The following PHF3 variants were observed in gnomAD, a reference collection of about 807,000 sequenced individuals.
The protein encoded by PHF3 is PHD finger protein 3.
A neutral mutation model predicts 178.4 loss-of-function variants in PHF3; 41 were observed. The ratio of observed to expected loss-of-function variants is 0.23; its 90% CI spans 0.18 to 0.30. The LOEUF (loss-of-function observed/expected upper bound fraction) is 0.30, where lower values mean the gene tolerates loss of function less well. PHF3 is among the 10% of genes least tolerant of loss of function. The pLI is 1.00. For missense variants in PHF3, 2,346 were observed against 2,398.1 expected (o/e 0.98, Z 0.45); for synonymous variants, 842 against 800.5 (o/e 1.05, Z -0.88).
In PHF3 at chr6:63,685,858, T is replaced by G; in HGVS notation, c.2136T>G (p.Tyr712Ter). The part of the protein sequence containing the change: ...SDHSSSFESK[Y>*]MWTPSKQCGF... ...ATAGCTCCTCATTTGAAAGCAAATA[T>G]ATGTGGACTCCCAGCAAGCAGTGTG... Residue 712 changes from tyrosine (Y) to a stop codon, truncating the protein, a stop_gained, in exon 4 of 16, where the codon TAT (tyrosine) becomes TAG (stop). Transcript: ENST00000262043. LOFTEE classifies it high-confidence loss of function. 6.2e-7 allele frequency: 1 copy of G among 1,613,462 alleles called. No homozygotes were observed. Among genetic ancestry groups the G allele is most frequent in the Non-Finnish European group, 8.5e-7 (1 of 1,179,998 alleles).
intron 2 of PHF3, among the ~76,000 whole-genome samples, chr6:63,651,190 G>A (rs2149544930): frequency 6.6e-6 from 1 of 152,008 alleles, no homozygotes; most frequent in East Asian, 1.9e-4. Context: ...GATCAAATTA[G>A]GTTAATTTGC....
intron 1 of PHF3, among the ~76,000 whole-genome samples, chr6:63,644,956 C>T (rs903132901): frequency 2.0e-5 from 3 of 151,218 alleles, no homozygotes; most frequent in Non-Finnish European, 2.9e-5. Context: ...GTTGATTTCG[C>T]TGCAACCTCC....
chr6:63,705,882 A>C, intron 11 of PHF3, 147 bp from the exon 12 acceptor site: 1 of 611,736 alleles, frequency 1.6e-6, no homozygotes, highest in Non-Finnish European at 2.8e-6. Context: ...ATACAACTAA[A>C]TGATGACAGT....
chr6:63,644,246 T>C (rs141070608), intron 1 of PHF3, among the ~76,000 whole-genome samples: 20 of 152,348 alleles, frequency 1.3e-4, no homozygotes, highest in African/African-American at 4.1e-4. Flanking sequence ...GATGCAACTC[T>C]CTGAAGAGGA....
intron 1 of PHF3, 93 bp downstream of exon 1, chr6:63,636,243 G>C (rs1022179638): frequency 6.5e-6 from 2 of 305,784 alleles, no homozygotes; most frequent in Non-Finnish European, 1.2e-5. Flanking sequence ...GGGCCTCTCC[G>C]CCCCTCCCGC....
At chr6:63,653,835 G>A (rs1478932264) in intron 2 of PHF3, among the ~76,000 whole-genome samples, 1 of 152,064 alleles carries the variant, frequency 6.6e-6, no homozygotes, top group Admixed American at 6.5e-5. Context: ...AGTTTTTATT[G>A]TGAAGGGATG....
chr6:63,713,388 C>T lies in PHF3; in HGVS notation c.5800C>T (p.Arg1934Ter). 3.7e-6 allele frequency: 6 copies of T among 1,613,638 alleles called. No homozygotes were observed. The highest frequency in any genetic ancestry group is 5.1e-6 in the Non-Finnish European group (6 of 1,179,908). Residue 1934 changes from arginine (R) to a stop codon, truncating the protein, a stop_gained, in exon 16 of 16, where the codon CGA becomes TGA. Coordinates refer to ENST00000262043, the MANE Select transcript of PHF3 (RefSeq NM_001370348.2). LOFTEE classifies it high-confidence loss of function. ...YSDSHHLKRE[R>*]HEKEWEQESE... The stretch of plus-strand genomic sequence containing the variant: ...TGATTCACACCATTTGAAAAGAGAG[C>T]GACATGAAAAGGAATGGGAGCAAGA...
rs779837629 is a variant in PHF3, at chr6:63,685,193, A to G, written c.1471A>G (p.Thr491Ala). 2 of 1,613,984 alleles carry G rather than the reference A, an allele frequency of 1.2e-6. No individual in the cohort carries two copies. Among genetic ancestry groups the G allele is most frequent in the South Asian group, 1.1e-5 (1 of 91,072 alleles). Residue 491 changes from threonine (T) to alanine (A), a missense_variant, in exon 4 of 16, where the codon ACA becomes GCA. This residue lies in a region of PHF3 where 843 missense variants were observed against 795.2 expected (regional missense o/e 1.06). Coordinates refer to ENST00000262043, the MANE Select transcript of PHF3 (RefSeq NM_001370348.2). The stretch of plus-strand genomic sequence containing the variant: ...GTCAAAAAGTGTAAAATCCAAACAT[A>G]CAAAACCTGTAATTCATTCTAAGCA... ...LESKSVKSKHTKPVIHSKQNM... is the reference protein window; with the variant it reads ...LESKSVKSKHAKPVIHSKQNM...
chr6:63,640,268 C>G lies in PHF3; in HGVS notation c.-26+4118C>G, dbSNP rs569621142. Among the ~76,000 whole-genome samples, 4 of 152,302 alleles carry G rather than the reference C, an allele frequency of 2.6e-5. No homozygotes were observed. The East Asian group carries it at 7.7e-4, about 29-fold the overall frequency. ...CCTAACCACTTATTAATTTTTGACT[C>G]TGTCCTCGAAGGATGGATAACCCAT... On this transcript the variant is annotated intron_variant, in intron 1 of 15. Coordinates refer to ENST00000262043, the MANE Select transcript of PHF3 (RefSeq NM_001370348.2).
In PHF3 at chr6:63,717,163, C is replaced by G. The variant is rs958647375; in HGVS notation, c.*3455C>G. The stretch of plus-strand genomic sequence containing the variant: ...AAATGGAGTGAAAAGTGAAGCCACT[C>G]CATGTTAACGTGTGTGTTAACATAA... On this transcript the variant is annotated 3_prime_UTR_variant, in exon 16 of 16. Transcript: ENST00000262043. Among the ~76,000 whole-genome samples, 1 of 152,000 alleles carries G rather than the reference C, an allele frequency of 6.6e-6. No homozygotes were observed. Among genetic ancestry groups the G allele is most frequent in the Non-Finnish European group, 1.5e-5 (1 of 67,970 alleles).
At chr6:63,667,478 A>G (rs1283071120) in intron 2 of PHF3, among the ~76,000 whole-genome samples, 1 of 152,218 alleles carries the variant, frequency 6.6e-6, no homozygotes, top group Admixed American at 6.5e-5. Context: ...CAGTTCATCC[A>G]TCCAGTCTAC....
At chr6:63,710,884 T>C (rs1056651561) in intron 14 of PHF3, among the ~76,000 whole-genome samples, 3 of 152,168 alleles carry the variant, frequency 2.0e-5, no homozygotes, top group African/African-American at 7.2e-5. Flanking sequence ...ACAAGTTGTA[T>C]CTGTCACCTT....
At position 63,717,453 on chromosome 6, in the gene PHF3, T is replaced by C. The variant is rs1768225101; in HGVS notation, c.*3745T>C. Among the ~76,000 whole-genome samples the C allele has an allele frequency of 6.6e-6, 1 of 152,024 alleles. No homozygotes were observed. The highest frequency in any genetic ancestry group is 6.6e-5 in the Admixed American group (1 of 15,220). On this transcript the variant is annotated 3_prime_UTR_variant, in exon 16 of 16. Coordinates refer to ENST00000262043, the MANE Select transcript of PHF3 (RefSeq NM_001370348.2). ...GTTTATTTCTGTCTCTTAAAGCAAA[T>C]TGCAAATAAAATTGGTTACTGCTTT...
rs1183077620 is a variant in PHF3 at position 63,720,851 on chromosome 6, T to G, written c.*7143T>G. On this transcript the variant is annotated 3_prime_UTR_variant, in exon 16 of 16. Transcript: ENST00000262043. The stretch of plus-strand genomic sequence containing the variant: ...CCTCGGAAAGAATTAGACTGTTATT[T>G]ATGTAGGCCTTGATAAGAGTCTGAT... 1 of 1,551,264 alleles carries G rather than the reference T, an allele frequency of 6.4e-7. No homozygotes were observed. Among genetic ancestry groups the G allele is most frequent in the Non-Finnish European group, 8.7e-7 (1 of 1,146,662 alleles).
In PHF3 at chr6:63,721,899, A is replaced by G. The variant is rs1244235055; in HGVS notation, c.*8191A>G. Reference sequence around the variant, plus strand: ...GTTGGATAAGTTTTAGTTATGGGGAAAAAAGTAACAGATCTTGAGCACAAT... The same window carrying G: ...GTTGGATAAGTTTTAGTTATGGGGAGAAAAGTAACAGATCTTGAGCACAAT... On this transcript the variant is annotated 3_prime_UTR_variant, in exon 16 of 16. Coordinates refer to ENST00000262043, the MANE Select transcript of PHF3 (RefSeq NM_001370348.2). 2.9e-6 allele frequency: 3 copies of G among 1,034,106 alleles called. No homozygotes were observed. Among genetic ancestry groups the G allele is most frequent in the Non-Finnish European group, 4.1e-6 (3 of 725,528 alleles). 64.1% of individuals were successfully genotyped at this position (1,034,106 alleles called of 1,614,324 possible).
At position 63,692,157 on chromosome 6, in the gene PHF3, A is replaced by G. The variant is rs571254358; in HGVS notation, c.2496+114A>G. 3,210 of 822,794 alleles carry G rather than the reference A, an allele frequency of 3.9e-3. 18 individuals carry two copies. The highest frequency in any genetic ancestry group is 5.0e-3 in the Non-Finnish European group (2,736 of 547,014). The allele number at this position is 822,794 out of a possible 1,614,324, so 51.0% of individuals were successfully genotyped here. ...TTTTAATGTTCTTTTACATTTTCAAATTTAGTTTTCCATGAAAGTGAATAG... is the reference window on the plus strand; with the variant it reads ...TTTTAATGTTCTTTTACATTTTCAAGTTTAGTTTTCCATGAAAGTGAATAG... On this transcript the variant is annotated intron_variant, in intron 5 of 15. Coordinates refer to ENST00000262043, the MANE Select transcript of PHF3 (RefSeq NM_001370348.2).
rs1342673575 is a variant in PHF3 at position 63,723,473 on chromosome 6, T to C, written c.*9765T>C. On this transcript the variant is annotated 3_prime_UTR_variant, in exon 16 of 16. Transcript: ENST00000262043. ...TTTTCTTGCTCCTTGTGTTGTAGAG[T>C]GTTCCTGTAGTAAACAATTTTATAG... 6.6e-6 allele frequency among the ~76,000 whole-genome samples: 1 copy of C among 152,088 alleles called. No individual in the cohort carries two copies. Among genetic ancestry groups the C allele is most frequent in the Admixed American group, 6.6e-5 (1 of 15,256 alleles).
intron 2 of PHF3, among the ~76,000 whole-genome samples, chr6:63,647,446 T>C (rs999485771): frequency 2.0e-5 from 3 of 152,222 alleles, no homozygotes; most frequent in African/African-American, 7.2e-5. Context: ...GAAGACTCAG[T>C]ATGAAAAAAA....
intron 2 of PHF3, among the ~76,000 whole-genome samples, chr6:63,665,903 G>A (rs949143456): frequency 2.0e-5 from 3 of 152,106 alleles, no homozygotes; most frequent in African/African-American, 7.2e-5. Flanking sequence ...AAACAAAAGG[G>A]TGTCAACTCC....
Sources: allele counts gnomAD v4.1 joint callset (sites outside exome capture counted in the v4.1 genomes callset), GRCh38; gene constraint gnomAD v4.1.1; regional missense constraint gnomAD v4.1.1; transcripts MANE v1.5; gene names NCBI Gene and HGNC (gene_info 2026-07-23, HGNC 2026-07-21).